SLC36A3: variants seen among roughly 807,000 people sequenced by gnomAD.
SLC36A3 encodes proton-coupled amino acid transporter 3.
In SLC36A3, 35 loss-of-function variants were observed where a neutral mutation model predicts 44.3. The ratio of observed to expected loss-of-function variants is 0.79; its 90% confidence interval spans 0.60 to 1.05. SLC36A3 has a LOEUF of 1.05. Ranked by LOEUF, SLC36A3 falls within the 50% of genes least tolerant of loss-of-function variation. The pLI is 0.00. For missense variants in SLC36A3, 540 were observed against 578.7 expected (o/e 0.93, Z 0.69); for synonymous variants, 211 against 227.6 (o/e 0.93, Z 0.66).
chr5:151,286,458 A>G (rs1271983831), intron 6 of SLC36A3, among the ~76,000 whole-genome samples: 1 of 151,894 alleles, frequency 6.6e-6, no homozygotes, highest in Non-Finnish European at 1.5e-5. Flanking sequence ...ATGCCCCACT[A>G]ATTTTTAAAT....
intron 9 of SLC36A3, among the ~76,000 whole-genome samples, chr5:151,280,313 G>C (rs905211122): frequency 7.9e-5 from 12 of 152,134 alleles, no homozygotes; most frequent in Admixed American, 7.9e-4. Flanking sequence ...AATTAGCCGG[G>C]CATGGTGGCA....
At chr5:151,280,190 C>T (rs373834348) in intron 9 of SLC36A3, among the ~76,000 whole-genome samples, 1 of 152,132 alleles carries the variant, frequency 6.6e-6, no homozygotes, top group Non-Finnish European at 1.5e-5. Context: ...GTGCATGGTT[C>T]ACATCTGTAA....
At chr5:151,290,609 G>T (rs11745547) in intron 4 of SLC36A3, among the ~76,000 whole-genome samples, 1 of 152,124 alleles carries the variant, frequency 6.6e-6, no homozygotes, top group East Asian at 1.9e-4. Flanking sequence ...AAATAATTCA[G>T]TATGGGCCGG....
chr5:151,288,773 G>A (rs187632045), intron 4 of SLC36A3, among the ~76,000 whole-genome samples: 3 of 150,856 alleles, frequency 2.0e-5, no homozygotes, highest in Non-Finnish European at 2.9e-5. Flanking sequence ...ACATACACAC[G>A]CAATTTTTTT....
At chr5:151,283,056 G>T (rs1754390179) in intron 8 of SLC36A3, among the ~76,000 whole-genome samples, 1 of 151,692 alleles carries the variant, frequency 6.6e-6, no homozygotes, top group African/African-American at 2.4e-5. Flanking sequence ...AGCTAATTTT[G>T]ATATTTTTTA....
intron 1 of SLC36A3, among the ~76,000 whole-genome samples, chr5:151,301,228 C>G (rs1475122439): frequency 6.6e-6 from 1 of 152,190 alleles, no homozygotes; most frequent in African/African-American, 2.4e-5. Context: ...TCACCCCTTT[C>G]CCAAAAAGAC....
chr5:151,287,290 T>C lies in SLC36A3; in HGVS notation c.664A>G (p.Thr222Ala), dbSNP rs763420005. 9.9e-6 allele frequency: 16 copies of C among 1,613,918 alleles called. No homozygotes were observed. The highest frequency in any genetic ancestry group is 1.3e-5 in the African/African-American group (1 of 74,850). Residue 222 changes from threonine (T) to alanine (A), a missense_variant, in exon 6 of 10, where the codon ACC (threonine) becomes GCC (alanine). Coordinates refer to ENST00000335230, the MANE Select transcript of SLC36A3 (RefSeq NM_181774.4). ...ATCAGAGCCATGCTCCCAAGGGTGG[T>C]GATGTTGGCCAATGTCGAGAAGACG... is the stretch of plus-strand genomic sequence containing the variant. ...LSVFSTLANI[T>A]TLGSMALIFE...
At chr5:151,298,492 C>A in intron 2 of SLC36A3, 101 bp downstream of exon 2, 1 of 1,128,744 alleles carries the variant, frequency 8.9e-7, no homozygotes, top group Non-Finnish European at 1.3e-6. Flanking sequence ...GCAGAGGGTA[C>A]CCCCAAATTG....
intron 8 of SLC36A3, among the ~76,000 whole-genome samples, chr5:151,282,781 G>A (rs1182927910): frequency 6.6e-6 from 1 of 152,138 alleles, no homozygotes; most frequent in African/African-American, 2.4e-5. Context: ...TGTATAAAAA[G>A]ACCTGCTTTC....
chr5:151,279,370 G>A (rs1342902931), intron 9 of SLC36A3, among the ~76,000 whole-genome samples: 2 of 152,140 alleles, frequency 1.3e-5, no homozygotes, highest in Non-Finnish European at 2.9e-5. Flanking sequence ...GAAGGCAGAA[G>A]CTACATCTTC....
In SLC36A3 at chr5:151,276,760, T is replaced by C. The variant is rs901372741; in HGVS notation, c.*633A>G. ...TCACCAACACTAGCATGGCCAGTTT[T>C]TGTGGTTGGTGGATAAGTTAATTTC... On this transcript the variant is annotated 3_prime_UTR_variant, in exon 10 of 10. Transcript: ENST00000335230. 6.6e-6 allele frequency: 1 copy of C among 152,568 alleles called. No individual in the cohort carries two copies. The highest frequency in any genetic ancestry group is 2.4e-5 in the African/African-American group (1 of 41,472). The allele number at this position is 152,568 out of a possible 1,614,324, so 9.5% of individuals were successfully genotyped here.
chr5:151,288,495 C>A, intron 4 of SLC36A3, 25 bp from the exon 5 acceptor site: 1 of 1,449,268 alleles, frequency 6.9e-7, no homozygotes, highest in South Asian at 1.4e-5. Flanking sequence ...AAGAGGCAGA[C>A]AGAGGGAGGA....
At chr5:151,295,598 G>A (rs1754930098) in intron 3 of SLC36A3, among the ~76,000 whole-genome samples, 2 of 152,128 alleles carry the variant, frequency 1.3e-5, no homozygotes, top group African/African-American at 4.8e-5. Context: ...GTAGCTGAGC[G>A]CTGTGGATCT....
At chr5:151,295,753 CT>C (rs1425664201) in intron 3 of SLC36A3, among the ~76,000 whole-genome samples, 1 of 152,076 alleles carries the variant, frequency 6.6e-6, no homozygotes, top group African/African-American at 2.4e-5. Context: ...AGTAAGTATG[CT>C]TTTTACTTTT....
chr5:151,280,016 C>T (rs908326656), intron 9 of SLC36A3, among the ~76,000 whole-genome samples: 2 of 152,130 alleles, frequency 1.3e-5, no homozygotes, highest in East Asian at 1.9e-4. Context: ...TGTGATCCTC[C>T]GTCTAGACAT....
chr5:151,291,854 TTTTG>T (rs778228841), intron 4 of SLC36A3, among the ~76,000 whole-genome samples: 5 of 152,076 alleles, frequency 3.3e-5, no homozygotes, highest in African/African-American at 9.7e-5. Flanking sequence ...AATGGGCAGC[TTTTG>T]TTTGTTTGTT....
In SLC36A3 at chr5:151,276,370, G is replaced by T. The variant is rs76105005; in HGVS notation, c.*1023C>A. On this transcript the variant is annotated 3_prime_UTR_variant, in exon 10 of 10. Coordinates refer to ENST00000335230, the MANE Select transcript of SLC36A3 (RefSeq NM_181774.4). ...CCAGTTTGTATTCTTTTTTTGGTCT[G>T]GATTTTGTCATTCAGCATATTTATT... Among the ~76,000 whole-genome samples, 6,102 of 152,030 alleles carry T rather than the reference G, an allele frequency of 0.04. 166 individuals are homozygous for T. The highest frequency in any genetic ancestry group is 0.11 in the South Asian group (509 of 4,816).
intron 9 of SLC36A3, among the ~76,000 whole-genome samples, chr5:151,278,299 C>T (rs963374585): frequency 1.3e-5 from 2 of 150,600 alleles, no homozygotes; most frequent in African/African-American, 4.8e-5. Context: ...AGCTATCCAA[C>T]CCCCATCCTT....
At chr5:151,291,435 C>A (rs1189205533) in intron 4 of SLC36A3, among the ~76,000 whole-genome samples, 1 of 152,134 alleles carries the variant, frequency 6.6e-6, no homozygotes, top group Non-Finnish European at 1.5e-5. Flanking sequence ...TCCCCTTGCC[C>A]TGTTTATTTT....
Sources: gnomAD v4.1 joint callset for allele counts (sites outside exome capture counted in the v4.1 genomes callset) on GRCh38, gnomAD v4.1.1 for gene constraint, MANE v1.5 for transcripts, NCBI Gene and HGNC (gene_info 2026-07-23, HGNC 2026-07-21) for gene names.